The following BAALC variants were observed in gnomAD, a reference collection of about 807,000 sequenced individuals.
BAALC encodes brain and acute leukemia cytoplasmic protein.
A neutral mutation model predicts 15.5 loss-of-function variants in BAALC; 9 were observed. The ratio of observed to expected loss-of-function variants is 0.58; its 90% CI spans 0.35 to 1.02. The LOEUF is 1.02. Among genes scored for constraint, BAALC ranks in the 50% least tolerant of loss-of-function variants. The pLI, the probability that BAALC is intolerant of heterozygous loss-of-function variation, is 0.02. For missense variants in BAALC, 201 were observed against 192.4 expected (o/e 1.04, Z -0.27); for synonymous variants, 80 against 74.6 (o/e 1.07, Z -0.37).
chr8:103,160,486 T>G (rs1811201106), intron 1 of BAALC, among the ~76,000 whole-genome samples: 1 of 152,204 alleles, frequency 6.6e-6, no homozygotes, highest in South Asian at 2.1e-4. Flanking sequence ...GAAAATGTTT[T>G]TAAAGATTTT....
chr8:103,164,883 A>G (rs1811310653), intron 1 of BAALC, among the ~76,000 whole-genome samples: 1 of 152,170 alleles, frequency 6.6e-6, no homozygotes, highest in African/African-American at 2.4e-5. Flanking sequence ...CCTTCCCCAG[A>G]TGAGTGTTTC....
In BAALC at chr8:103,172,861, T is replaced by A. The variant is rs556487410; in HGVS notation, c.160+31804T>A. Among the ~76,000 whole-genome samples the A allele has an allele frequency of 3.3e-5, 5 of 152,336 alleles. No homozygotes were observed. In the East Asian group the frequency reaches 9.6e-4, roughly 29 times the overall value. ...TATGATTTACTTAAAAATGTGTATA[T>A]TAAATCAGGTAAAGTTACTCCTTAT... On this transcript the variant is annotated intron_variant, in intron 1 of 2. Transcript: ENST00000309982.
At chr8:103,142,295 C>T (rs1018729560) in intron 1 of BAALC, among the ~76,000 whole-genome samples, 86 of 152,328 alleles carry the variant, frequency 5.6e-4, no homozygotes, top group African/African-American at 1.5e-3. Context: ...AACTTTGTGA[C>T]TTGGTTTTAT....
In BAALC at chr8:103,140,934, C is replaced by T; in HGVS notation, c.37C>T (p.Pro13Ser). The T allele has an allele frequency of 2.0e-6, 3 of 1,531,292 alleles. No homozygotes were observed. Among genetic ancestry groups the T allele is most frequent in the Non-Finnish European group, 2.6e-6 (3 of 1,139,978 alleles). The allele number at this position is 1,531,292 out of a possible 1,614,324, so 94.9% of individuals were successfully genotyped here. ...CGGSRADAIE[P>S]RYYESWTRET... is the part of the protein sequence containing the mutation. ...CGGGAGCCGGGCGGATGCCATCGAG[C>T]CCCGCTACTACGAGAGCTGGACCCG... The change falls in exon 1 of 3, where the codon CCC becomes TCC. Residue 13 changes from proline to serine, a missense_variant. By Grantham distance (74) the Pro-to-Ser change is moderately conservative. Coordinates refer to ENST00000309982, the MANE Select transcript of BAALC (RefSeq NM_024812.3). This position sits in a 1 kb window ranked among gnomAD's most constrained non-coding sequence, Gnocchi z 4.2.
chr8:103,179,699 T>C (rs1454105971), intron 1 of BAALC, among the ~76,000 whole-genome samples: 1 of 152,260 alleles, frequency 6.6e-6, no homozygotes, highest in Non-Finnish European at 1.5e-5. Flanking sequence ...ACTTTGTGGG[T>C]ACCAATTATG....
intron 1 of BAALC, chr8:103,141,388 A>G: frequency 3.9e-6 from 1 of 257,468 alleles, no homozygotes; most frequent in Non-Finnish European, 7.3e-6. Flanking sequence ...TCAGCCACCC[A>G]CCCCCTGATC....
At chr8:103,182,199 C>T (rs1811744532) in intron 1 of BAALC, among the ~76,000 whole-genome samples, 1 of 152,222 alleles carries the variant, frequency 6.6e-6, no homozygotes, top group African/African-American at 2.4e-5. Flanking sequence ...TGCAACATCT[C>T]AACTCTACAT....
rs78647173 is a variant in BAALC at position 103,153,952 on chromosome 8, C to A, written c.160+12895C>A. Among the ~76,000 whole-genome samples the A allele has an allele frequency of 3.5e-3, 529 of 152,230 alleles. 1 individual carries two copies. The highest frequency in any genetic ancestry group is 0.012 in the African/African-American group (503 of 41,524). On this transcript the variant is annotated intron_variant, in intron 1 of 2. Transcript: ENST00000309982. ...ATGGAAGCAGAGACCGCCTGTGCAC[C>A]CTTCCTAAGAGGAATGATTCAGGCT...
intron 1 of BAALC, among the ~76,000 whole-genome samples, chr8:103,200,372 C>T (rs1342889739): frequency 1.3e-5 from 2 of 152,166 alleles, no homozygotes; most frequent in Non-Finnish European, 2.9e-5. Context: ...GGAATATCAT[C>T]TAATTTCTAA....
intron 1 of BAALC, among the ~76,000 whole-genome samples, chr8:103,141,645 AC>A (rs1472581585): frequency 2.6e-5 from 4 of 151,946 alleles, no homozygotes; most frequent in Non-Finnish European, 5.9e-5. Flanking sequence ...AAATAAATGC[AC>A]CCCGCCCCAT....
Position 103,228,101 on chromosome 8 carries a change from A to G in BAALC, c.*2A>G. On this transcript the variant is annotated 3_prime_UTR_variant, in exon 3 of 3. Coordinates refer to ENST00000309982, the MANE Select transcript of BAALC (RefSeq NM_024812.3). ...ATCACAAAGAACTGTGTCAACTAGCAGAGAGTCCAAGCAGAAGGGCAGATG... is the reference window on the plus strand; with the variant it reads ...ATCACAAAGAACTGTGTCAACTAGCGGAGAGTCCAAGCAGAAGGGCAGATG... 3.1e-6 allele frequency: 5 copies of G among 1,589,722 alleles called. No homozygotes were observed. Among genetic ancestry groups the G allele is most frequent in the Non-Finnish European group, 4.3e-6 (5 of 1,158,548 alleles).
intron 2 of BAALC, among the ~76,000 whole-genome samples, chr8:103,214,394 G>A (rs543816729): frequency 6.6e-6 from 1 of 152,320 alleles, no homozygotes; most frequent in South Asian, 2.1e-4. Flanking sequence ...TGGGTTTTAA[G>A]ATTAACTAGA....
Position 103,141,045 on chromosome 8 carries a change from G to A in BAALC, c.148G>A (p.Gly50Ser). ...CCCGGACAGCGGCCCCGAAGCGGGC[G>A]GCCTGCACTCGGGTAAGTGGCCGGG... ...AAPDSGPEAG[G>S]LHSGMLEDGL... Residue 50 changes from glycine (G) to serine (S), a missense_variant, in exon 1 of 3, where the codon GGC becomes AGC. By Grantham distance (56) the Gly-to-Ser change is moderately conservative. Coordinates refer to ENST00000309982, the MANE Select transcript of BAALC (RefSeq NM_024812.3). 2.0e-6 allele frequency: 3 copies of A among 1,499,264 alleles called. No homozygotes were observed. The highest frequency in any genetic ancestry group is 1.3e-5 in the South Asian group (1 of 79,204). 92.9% of individuals were successfully genotyped at this position (1,499,264 alleles called of 1,614,324 possible).
At chr8:103,156,792 C>T (rs55912746) in intron 1 of BAALC, among the ~76,000 whole-genome samples, 6,154 of 152,258 alleles carry the variant, frequency 0.04, 141 homozygotes, top group South Asian at 0.054. Context: ...GAATGGGTTG[C>T]TGTTATGGTG....
At chr8:103,158,695 T>TACAC (rs1811156260) in intron 1 of BAALC, among the ~76,000 whole-genome samples, 1 of 151,788 alleles carries the variant, frequency 6.6e-6, no homozygotes. Flanking sequence ...AATACATACA[T>TACAC]ACATACATAC....
At chr8:103,159,669 TGA>T in intron 1 of BAALC, among the ~76,000 whole-genome samples, 1 of 152,332 alleles carries the variant, frequency 6.6e-6, no homozygotes, top group East Asian at 1.9e-4. Context: ...GTTTGACTCT[TGA>T]CTCCTTTTCA....
intron 1 of BAALC, among the ~76,000 whole-genome samples, chr8:103,174,530 A>T (rs1408461613): frequency 6.6e-6 from 1 of 152,212 alleles, no homozygotes; most frequent in Non-Finnish European, 1.5e-5. Context: ...AACTGCAAAG[A>T]TGCAGGCAAG....
chr8:103,209,631 A>T (rs1226626686), intron 1 of BAALC, among the ~76,000 whole-genome samples: 2 of 152,052 alleles, frequency 1.3e-5, no homozygotes, highest in Non-Finnish European at 2.9e-5. Flanking sequence ...CCTCCTTCAG[A>T]ATTCATTGCT....
At chr8:103,198,051 G>C (rs1204123546) in intron 1 of BAALC, 1 of 683,216 alleles carries the variant, frequency 1.5e-6, no homozygotes, top group Admixed American at 2.2e-5. Context: ...ATATCCCACA[G>C]TTTCTTACGA....
Sources: gnomAD v4.1 joint callset for allele counts (sites outside exome capture counted in the v4.1 genomes callset) on GRCh38, gnomAD v4.1.1 for gene constraint, Gnocchi (gnomAD v3.1) non-coding constraint, MANE v1.5 for transcripts, NCBI Gene and HGNC (gene_info 2026-07-23, HGNC 2026-07-21) for gene names.